Variants in NSMCE2 observed in about 807,000 individuals in gnomAD.
NSMCE2 encodes the protein E3 SUMO-protein ligase NSE2.
Under a neutral mutation model 23.8 loss-of-function variants are expected in NSMCE2, and 24 were observed. The observed-to-expected ratio is 1.01, with a 90% CI of 0.73 to 1.42. NSMCE2 has a LOEUF of 1.42. NSMCE2 is among the 40% of genes most tolerant of loss of function. The pLI is 0.00. For synonymous variants in NSMCE2, 92 were observed against 94.1 expected (o/e 0.98, Z 0.13); for missense variants, 284 against 296.5 (o/e 0.96, Z 0.31).
intron 5 of NSMCE2, among the ~76,000 whole-genome samples, chr8:125,193,216 C>T (rs1479109799): frequency 6.6e-6 from 1 of 152,106 alleles, no homozygotes. Flanking sequence ...GTAAAGTAGA[C>T]TTCATCAAAA....
chr8:125,211,317 A>G (rs1261433969), intron 5 of NSMCE2, among the ~76,000 whole-genome samples: 1 of 152,202 alleles, frequency 6.6e-6, no homozygotes, highest in Admixed American at 6.5e-5. Context: ...CCCTGTGGAA[A>G]TAGTCTCTGT....
intron 5 of NSMCE2, among the ~76,000 whole-genome samples, chr8:125,232,027 T>A (rs1304800935): frequency 6.6e-6 from 1 of 152,216 alleles, no homozygotes; most frequent in Non-Finnish European, 1.5e-5. Flanking sequence ...ACCCACTGTA[T>A]CTCACAGTAT....
chr8:125,095,354 C>T (rs763876331), intron 1 of NSMCE2, among the ~76,000 whole-genome samples: 4 of 151,898 alleles, frequency 2.6e-5, no homozygotes, highest in Non-Finnish European at 4.4e-5. Context: ...CTTGAGAGGC[C>T]GAGTTGGGAG....
chr8:125,144,051 G>C (rs1258492387), intron 3 of NSMCE2, among the ~76,000 whole-genome samples: 1 of 152,182 alleles, frequency 6.6e-6, no homozygotes, highest in Non-Finnish European at 1.5e-5. Flanking sequence ...GGAAAAGAGG[G>C]GGGGAAAGTC....
At chr8:125,191,759 A>G (rs753890809) in intron 5 of NSMCE2, among the ~76,000 whole-genome samples, 2 of 152,248 alleles carry the variant, frequency 1.3e-5, no homozygotes, top group Non-Finnish European at 2.9e-5. Context: ...ATTTATTTCA[A>G]ACATAACAAC....
chr8:125,248,862 C>T (rs983581135), intron 5 of NSMCE2, among the ~76,000 whole-genome samples: 3 of 152,128 alleles, frequency 2.0e-5, no homozygotes, highest in African/African-American at 7.2e-5. Flanking sequence ...CTAGGGCACT[C>T]AGGTATAATA....
At chr8:125,225,174 A>G (rs1219450252) in intron 5 of NSMCE2, among the ~76,000 whole-genome samples, 1 of 152,232 alleles carries the variant, frequency 6.6e-6, no homozygotes, top group African/African-American at 2.4e-5. Context: ...ATGTTTTTAC[A>G]TATTACCTCA....
At chr8:125,157,801 T>C (rs150279029) in intron 4 of NSMCE2, among the ~76,000 whole-genome samples, 2 of 152,338 alleles carry the variant, frequency 1.3e-5, no homozygotes, top group Admixed American at 6.5e-5. Flanking sequence ...ATCAGACTTA[T>C]AAAACTGTTA....
chr8:125,364,915 G>A (rs1213879960), intron 7 of NSMCE2, among the ~76,000 whole-genome samples: 2 of 152,134 alleles, frequency 1.3e-5, no homozygotes, highest in Admixed American at 1.3e-4. Flanking sequence ...TCAGACCTAG[G>A]TTAGCTTGAC....
rs564757142 is a variant in NSMCE2 at position 125,187,595 on chromosome 8, A to G, written c.418+5339A>G. ...GTATAGATACTTCTTCAAGTCATCA[A>G]GCAATCTTTCTGGCGTCTTTTATTC... On this transcript the variant is annotated intron_variant, in intron 5 of 7. Transcript: ENST00000287437. 3.3e-5 allele frequency among the ~76,000 whole-genome samples: 5 copies of G among 152,324 alleles called. No homozygotes were observed. The East Asian group carries it at 9.6e-4, about 29-fold the overall frequency.
chr8:125,312,415 G>A (rs1446387157), intron 5 of NSMCE2, among the ~76,000 whole-genome samples: 1 of 152,042 alleles, frequency 6.6e-6, no homozygotes, highest in Non-Finnish European at 1.5e-5. Context: ...CACAAGGTCA[G>A]GAGTTCAAGA....
intron 5 of NSMCE2, among the ~76,000 whole-genome samples, chr8:125,353,212 C>T (rs1343320397): frequency 5.9e-5 from 9 of 152,262 alleles, no homozygotes; most frequent in East Asian, 1.9e-4. Context: ...TCTGGCACAA[C>T]GTATACAGTC....
At chr8:125,223,969 T>C (rs1481008748) in intron 5 of NSMCE2, among the ~76,000 whole-genome samples, 1 of 152,130 alleles carries the variant, frequency 6.6e-6, no homozygotes, top group Non-Finnish European at 1.5e-5. Context: ...CCCTGGTAGC[T>C]GGGACTACAG....
chr8:125,289,693 G>A (rs117111236), intron 5 of NSMCE2, among the ~76,000 whole-genome samples: 1,563 of 152,164 alleles, frequency 0.01, 15 homozygotes, highest in Non-Finnish European at 0.018. Flanking sequence ...GATGTTTGTG[G>A]GTGTGCTGTT....
intron 3 of NSMCE2, among the ~76,000 whole-genome samples, chr8:125,106,952 C>A (rs1166530845): frequency 6.7e-6 from 1 of 148,856 alleles, no homozygotes; most frequent in Non-Finnish European, 1.5e-5. Context: ...GCCGAGATCA[C>A]GCCACTGCAC....
chr8:125,110,582 A>AT (rs1398286689), intron 3 of NSMCE2, among the ~76,000 whole-genome samples: 1 of 152,110 alleles, frequency 6.6e-6, no homozygotes. Context: ...AGTTACATGC[A>AT]TTTTTTAAGG....
chr8:125,295,377 A>G (rs749899045), intron 5 of NSMCE2, among the ~76,000 whole-genome samples: 1 of 152,208 alleles, frequency 6.6e-6, no homozygotes, highest in East Asian at 1.9e-4. Flanking sequence ...GGGCCATTTG[A>G]TAATAAAATT....
chr8:125,272,359 T>C (rs973011687), intron 5 of NSMCE2, among the ~76,000 whole-genome samples: 2 of 151,840 alleles, frequency 1.3e-5, no homozygotes, highest in Non-Finnish European at 2.9e-5. Context: ...AGAAGTTTAA[T>C]GTCCATCTTA....
intron 5 of NSMCE2, among the ~76,000 whole-genome samples, chr8:125,337,550 G>A (rs977330712): frequency 1.3e-5 from 2 of 152,134 alleles, no homozygotes; most frequent in Admixed American, 6.6e-5. Context: ...GTAACATAAG[G>A]TAGAATGTTA....
Sources: gnomAD v4.1 joint callset for allele counts (sites outside exome capture counted in the v4.1 genomes callset) on GRCh38, gnomAD v4.1.1 for gene constraint, MANE v1.5 for transcripts, NCBI Gene and HGNC (gene_info 2026-07-23, HGNC 2026-07-21) for gene names.